Variants in VPS39 observed in about 807,000 individuals in gnomAD.
The protein encoded by VPS39 is VPS39 subunit of HOPS complex, also known as vam6/Vps39-like protein.
VPS39 carries 70 observed loss-of-function variants against 121.0 expected under a neutral mutation model. That is an observed-to-expected ratio of 0.58 (90% CI 0.48 to 0.71). The LOEUF (loss-of-function observed/expected upper bound fraction) is 0.71, where lower values mean the gene tolerates loss of function less well. Ranked by LOEUF, VPS39 falls within the 30% of genes least tolerant of loss-of-function variation. The pLI, the probability that VPS39 is intolerant of heterozygous loss-of-function variation, is 0.00. For missense variants in VPS39, 818 were observed against 1,051.5 expected, an observed-to-expected ratio of 0.78 and a Z score of 3.07; for synonymous variants, 378 against 398.1, an observed-to-expected ratio of 0.95 and a Z score of 0.60.
chr15:42,192,354 T>G (rs74553549), intron 2 of VPS39, among the ~76,000 whole-genome samples: 1 of 152,236 alleles, frequency 6.6e-6, no homozygotes, highest in Non-Finnish European at 1.5e-5. Flanking sequence ...AAGCTCATAT[T>G]TGAGGGGCAT....
At chr15:42,162,733 A>C in intron 21 of VPS39, 1 of 376,002 alleles carries the variant, frequency 2.7e-6, no homozygotes, top group Non-Finnish European at 4.7e-6. Flanking sequence ...CATTTACAAA[A>C]TGCTACCACT....
At chr15:42,167,280 C>A (rs2049262308) in intron 13 of VPS39, 114 bp downstream of exon 13, 3 of 1,370,658 alleles carry the variant, frequency 2.2e-6, no homozygotes, top group Non-Finnish European at 2.0e-6. Flanking sequence ...TTTCCAGAAT[C>A]AAAGACTTCA....
At chr15:42,170,027 T>C (rs1315325564) in intron 11 of VPS39, among the ~76,000 whole-genome samples, 161 bp from the exon 12 acceptor site, 1 of 152,054 alleles carries the variant, frequency 6.6e-6, no homozygotes, top group Non-Finnish European at 1.5e-5. Context: ...GACTTATGAT[T>C]TGAGCACTTT....
At chr15:42,192,011 G>A in intron 2 of VPS39, 2 of 1,521,794 alleles carry the variant, frequency 1.3e-6, no homozygotes, top group Non-Finnish European at 1.8e-6. Flanking sequence ...CGGAGACAGA[G>A]CAAACACTCA....
At chr15:42,162,559 T>G in intron 21 of VPS39, 78 bp from the exon 22 acceptor site, 1 of 1,464,436 alleles carries the variant, frequency 6.8e-7, no homozygotes. Context: ...TGCCTAACGA[T>G]TCGAGGGGCT....
chr15:42,165,144 T>C, intron 17 of VPS39, 31 bp from the exon 18 acceptor site: 12 of 1,602,832 alleles, frequency 7.5e-6, no homozygotes, highest in Non-Finnish European at 9.4e-6. Context: ...TTGTCACTGG[T>C]ATTCTCCAGG....
intron 4 of VPS39, among the ~76,000 whole-genome samples, chr15:42,190,021 C>T (rs1022932833): frequency 7.9e-5 from 12 of 151,844 alleles, no homozygotes; most frequent in African/African-American, 2.7e-4. Flanking sequence ...CCCTGTGTTG[C>T]CCAGGCTGGT....
At chr15:42,190,954 C>A (rs1030122773) in intron 4 of VPS39, among the ~76,000 whole-genome samples, 171 bp downstream of exon 4, 12 of 152,116 alleles carry the variant, frequency 7.9e-5, no homozygotes, top group African/African-American at 2.9e-4. Flanking sequence ...GAGAAGAGTT[C>A]GAGTCTATGG....
At chr15:42,163,775 C>G (rs2049187784) in intron 19 of VPS39, 47 bp from the exon 20 acceptor site, 34 of 1,413,028 alleles carry the variant, frequency 2.4e-5, no homozygotes, top group Non-Finnish European at 3.3e-5. Flanking sequence ...ATCACGCAAG[C>G]ACAAGGTGGG....
chr15:42,184,009 G>C (rs190860279), intron 8 of VPS39, among the ~76,000 whole-genome samples: 1 of 143,866 alleles, frequency 7.0e-6, no homozygotes, highest in South Asian at 2.2e-4. Context: ...GTAGAATAGA[G>C]GCTGACACCA....
chr15:42,177,566 T>C (rs2049481101), intron 10 of VPS39, among the ~76,000 whole-genome samples: 1 of 152,234 alleles, frequency 6.6e-6, no homozygotes, highest in African/African-American at 2.4e-5. Context: ...TCAACTTTAC[T>C]ATAACAGTAT....
Position 42,189,134 on chromosome 15 carries a change from G to A in VPS39, c.322C>T (p.Leu108=), listed in dbSNP as rs1417902209. 6.2e-7 allele frequency: 1 copy of A among 1,613,920 alleles called. No homozygotes were observed. The highest frequency in any genetic ancestry group is 1.7e-5 in the Admixed American group (1 of 60,018). The change falls in exon 5 of 25, where the codon CTG becomes TTG. Residue 108 remains leucine, a synonymous_variant. Coordinates refer to ENST00000318006, the MANE Select transcript of VPS39 (RefSeq NM_015289.5). The part of the protein sequence containing the change: ...TTVSKAKGAS[L]FTCDLQHTET... The stretch of plus-strand genomic sequence containing the variant: ...CTTACCTGGAGGTCACAAGTAAACA[G>A]TGATGCTCCCTTTGCCTTTGAAACC...
intron 5 of VPS39, among the ~76,000 whole-genome samples, chr15:42,188,389 T>G (rs547490594): frequency 6.6e-6 from 1 of 152,270 alleles, no homozygotes; most frequent in East Asian, 1.9e-4. Flanking sequence ...AATGATAAAT[T>G]GGCAAAAATA....
chr15:42,165,248 G>A, intron 17 of VPS39, 135 bp from the exon 18 acceptor site: 2 of 792,578 alleles, frequency 2.5e-6, no homozygotes, highest in South Asian at 3.4e-5. Context: ...ATGACTAAGA[G>A]ACAGCTCGTC....
chr15:42,163,803 A>G (rs1195217242), intron 19 of VPS39, 75 bp from the exon 20 acceptor site: 8 of 993,230 alleles, frequency 8.1e-6, no homozygotes, highest in Admixed American at 2.6e-5. Flanking sequence ...CTGTCAGAGG[A>G]GTGGACACGA....
In VPS39 at chr15:42,191,166, A is replaced by G; in HGVS notation, c.206T>C (p.Ile69Thr). The G allele has an allele frequency of 6.2e-7, 1 of 1,614,150 alleles. No homozygotes were observed. Among genetic ancestry groups the G allele is most frequent in the Non-Finnish European group, 8.5e-7 (1 of 1,179,992 alleles). The part of the protein sequence containing the change: ...NKNFSKKIQQ[I>T]HVVSQFKILV... ...AATCTTAAACTGGGAAACCACATGG[A>G]TCTGGAAAATAGGAAATCATGAGAC... Residue 69 changes from isoleucine (I) to threonine (T), a missense_variant and splice_region_variant, in exon 4 of 25, where the codon ATC becomes ACC. Coordinates refer to ENST00000318006, the MANE Select transcript of VPS39 (RefSeq NM_015289.5).
At position 42,173,267 on chromosome 15, in the gene VPS39, C is replaced by A. The variant is rs141765085; in HGVS notation, c.1090+456G>T. Among the ~76,000 whole-genome samples the A allele has an allele frequency of 3.8e-3, 577 of 152,282 alleles. 1 individual carries two copies. The highest frequency in any genetic ancestry group is 0.017 in the Middle Eastern group (5 of 294). ...GTAACTCTACCAGACCTCAGGCAGA[C>A]CCCAGGGTACCTGCTCCTCGCCACT... On this transcript the variant is annotated intron_variant, in intron 11 of 24. Coordinates refer to ENST00000318006, the MANE Select transcript of VPS39 (RefSeq NM_015289.5).
intron 1 of VPS39, 60 bp downstream of exon 1, chr15:42,208,021 G>C: frequency 6.5e-7 from 1 of 1,538,492 alleles, no homozygotes; most frequent in South Asian, 1.2e-5. Flanking sequence ...CCCGGCCTCA[G>C]AAAAGATCCG....
At position 42,178,590 on chromosome 15, in the gene VPS39, C is replaced by A. The variant is rs2049507579; in HGVS notation, c.719-20G>T. On this transcript the variant is annotated intron_variant, in intron 8 of 24. Coordinates refer to ENST00000318006, the MANE Select transcript of VPS39 (RefSeq NM_015289.5). ...GGTGCTCTGTGAAAGAGAACATACACAGCAGTTGTTCCGGTCTAAGGCTTT... is the reference window on the plus strand; with the variant it reads ...GGTGCTCTGTGAAAGAGAACATACAAAGCAGTTGTTCCGGTCTAAGGCTTT... 1 of 1,613,266 alleles carries A rather than the reference C, an allele frequency of 6.2e-7. No homozygotes were observed. The highest frequency in any genetic ancestry group is 1.1e-5 in the South Asian group (1 of 91,078).
Sources: allele counts gnomAD v4.1 joint callset (sites outside exome capture counted in the v4.1 genomes callset), GRCh38; gene constraint gnomAD v4.1.1; transcripts MANE v1.5; gene names NCBI Gene and HGNC (gene_info 2026-07-23, HGNC 2026-07-21).